The following LPA variants were observed in gnomAD, a reference collection of about 807,000 sequenced individuals.
LPA encodes the protein lipoprotein(a).
LPA carries 199 observed loss-of-function variants against 197.9 expected under a neutral mutation model. That is an observed-to-expected ratio of 1.01 (90% CI 0.90 to 1.13). The LOEUF (loss-of-function observed/expected upper bound fraction) is 1.13. Ranked by LOEUF, LPA falls within the 50% of genes most tolerant of loss-of-function variation. The pLI, the probability that LPA is intolerant of heterozygous loss-of-function variation, is 0.00. For missense variants in LPA, 1,853 were observed against 1,785.8 expected, an observed-to-expected ratio of 1.04 and a Z score of -0.68; for synonymous variants, 715 against 639.5, an observed-to-expected ratio of 1.12 and a Z score of -1.78.
chr6:160,608,044 T>A (rs1040477177), intron 16 of LPA, among the ~76,000 whole-genome samples: 1 of 152,180 alleles, frequency 6.6e-6, no homozygotes, highest in Non-Finnish European at 1.5e-5. Context: ...CCTCTACATA[T>A]GCTAAAATTA....
chr6:160,591,983 C>T (rs747833398), intron 22 of LPA, among the ~76,000 whole-genome samples: 7 of 152,202 alleles, frequency 4.6e-5, no homozygotes, highest in Non-Finnish European at 8.8e-5. Context: ...CTATGATGTA[C>T]CCCAGTAAAT....
chr6:160,601,204 A>T, intron 18 of LPA, 106 bp from the exon 19 acceptor site: 1 of 944,942 alleles, frequency 1.1e-6, no homozygotes, highest in Non-Finnish European at 1.7e-6. Context: ...AAATATTCCC[A>T]AAAGAGATAC....
chr6:160,586,640 C>T lies in LPA; in HGVS notation c.3948-10G>A, dbSNP rs781583134. On this transcript the variant is annotated splice_polypyrimidine_tract_variant and intron_variant, in intron 24 of 38. Coordinates refer to ENST00000316300, the MANE Select transcript of LPA (RefSeq NM_005577.4). ...GTTCCTGGTCAGGCCACTGCAAATT[C>T]CAAAACAATACAGGTCACCAGAGAT... The T allele has an allele frequency of 1.9e-6, 3 of 1,613,500 alleles. No individual in the cohort carries two copies. Among genetic ancestry groups the T allele is most frequent in the Non-Finnish European group, 2.5e-6 (3 of 1,179,732 alleles).
chr6:160,588,969 C>T (rs1020458251), intron 24 of LPA, among the ~76,000 whole-genome samples: 3 of 152,338 alleles, frequency 2.0e-5, no homozygotes, highest in Middle Eastern at 3.4e-3. Context: ...TGTCCATCTT[C>T]CTGAATGTGT....
Position 160,531,620 on chromosome 6 carries a change from TG to T in LPA, c.*108del. Reference sequence around the variant, plus strand: ...GCCAAGGTTTGGCATAGCTGGTAGCTGGGAACAGTGTCTTCGTTTGATTGCT... The same window carrying T: ...GCCAAGGTTTGGCATAGCTGGTAGCTGGAACAGTGTCTTCGTTTGATTGCT... On this transcript the variant is annotated 3_prime_UTR_variant, in exon 39 of 39. Coordinates refer to ENST00000316300, the MANE Select transcript of LPA (RefSeq NM_005577.4). 1 of 1,462,292 alleles carries T rather than the reference TG, an allele frequency of 6.8e-7. No individual in the cohort carries two copies. Among genetic ancestry groups the T allele is most frequent in the Non-Finnish European group, 9.6e-7 (1 of 1,045,678 alleles). 90.6% of individuals were successfully genotyped at this position (1,462,292 alleles called of 1,614,324 possible). A position where few individuals can be genotyped will look rare whatever the true frequency, so the allele number is the denominator to read the frequency against.
At chr6:160,594,514 A>ACATTT (rs1184276830) in intron 21 of LPA, among the ~76,000 whole-genome samples, 12 of 152,212 alleles carry the variant, frequency 7.9e-5, no homozygotes, top group African/African-American at 2.9e-4. Flanking sequence ...AAACCGTCAC[A>ACATTT]CATTTCCCTA....
At chr6:160,539,123 G>T (rs1777937963) in intron 36 of LPA, among the ~76,000 whole-genome samples, 1 of 152,138 alleles carries the variant, frequency 6.6e-6, no homozygotes, top group Non-Finnish European at 1.5e-5. Context: ...GCCCAGGAGA[G>T]CAGCTCAGGC....
At position 160,556,105 on chromosome 6, in the gene LPA, A is replaced by C; in HGVS notation, c.4893T>G (p.Thr1631=). ...GQSYRGTFST[T]VTGRTCQSWS... ...AAGATTGACATGTCCTTCCTGTGAC[A>C]GTGGTGGAGAATGTGCCTCGATAAC... The change falls in exon 30 of 39, where the codon ACT becomes ACG. Residue 1631 remains threonine (T), a synonymous_variant. Coordinates refer to ENST00000316300, the MANE Select transcript of LPA (RefSeq NM_005577.4). The C allele has an allele frequency of 1.2e-6, 2 of 1,613,992 alleles. No homozygotes were observed. Among genetic ancestry groups the C allele is most frequent in the East Asian group, 4.5e-5 (2 of 44,826 alleles).
chr6:160,545,906 T>C (rs1778062350), intron 32 of LPA, among the ~76,000 whole-genome samples: 2 of 152,204 alleles, frequency 1.3e-5, no homozygotes, highest in African/African-American at 4.8e-5. Flanking sequence ...TGATAAAGCC[T>C]GTTTGCTGTT....
chr6:160,548,612 G>A lies in LPA; in HGVS notation c.5021C>T (p.Pro1674Leu). 3.7e-6 allele frequency: 6 copies of A among 1,614,118 alleles called. No individual in the cohort carries two copies. The highest frequency in any genetic ancestry group is 5.1e-6 in the Non-Finnish European group (6 of 1,180,014). Residue 1674 changes from proline (P) to leucine (L), a missense_variant, in exon 31 of 39, where the codon CCT becomes CTT. Physicochemically the swap from Pro to Leu is moderately conservative, Grantham distance 98 (BLOSUM62 -3). This residue lies in a region of LPA where 1,737 missense variants were observed against 1,504.4 expected (regional missense o/e 1.15). Transcript: ENST00000316300. ...GCTGGGGTCCATGGTAAAACACCAA[G>A]GGCCTGTATCGGCATCTGGATTCCT... ...YCRNPDADTG[P>L]WCFTMDPSIR...
At chr6:160,568,927 G>T (rs1462824050) in intron 28 of LPA, among the ~76,000 whole-genome samples, 1 of 152,152 alleles carries the variant, frequency 6.6e-6, no homozygotes, top group Non-Finnish European at 1.5e-5. Flanking sequence ...ACTTACAAGG[G>T]ATGGGAAGGA....
At chr6:160,566,844 C>A (rs928535718) in intron 28 of LPA, among the ~76,000 whole-genome samples, 1 of 152,098 alleles carries the variant, frequency 6.6e-6, no homozygotes, top group Non-Finnish European at 1.5e-5. Context: ...GGTTGCAATC[C>A]TAGTCTCTGA....
chr6:160,576,360 A>G (rs1421061097), intron 28 of LPA, among the ~76,000 whole-genome samples: 2 of 24,334 alleles, frequency 8.2e-5, no homozygotes, highest in South Asian at 1.8e-3. Context: ...ATATATATAT[A>G]TATATACATA....
chr6:160,539,361 A>G (rs573149734), intron 36 of LPA, among the ~76,000 whole-genome samples: 9 of 152,332 alleles, frequency 5.9e-5, no homozygotes, highest in African/African-American at 1.9e-4. Flanking sequence ...AGGCTTAATA[A>G]AACAAAATTT....
chr6:160,587,798 TG>T (rs1428808348), intron 24 of LPA, among the ~76,000 whole-genome samples: 2,214 of 114,734 alleles, frequency 0.019, 20 homozygotes, highest in African/African-American at 0.052. Flanking sequence ...TGTGTGTGTG[TG>T]TTTCTGTCTG....
chr6:160,606,565 G>C lies in LPA; in HGVS notation c.2697C>G (p.Asn899Lys), dbSNP rs562924929. Residue 899 changes from asparagine to lysine, a missense_variant, in exon 17 of 39, where the codon AAC (asparagine) becomes AAG (lysine). Asn to Lys is a moderately conservative substitution (Grantham distance 94). Around this residue, in one of 3 missense-constraint regions of LPA, gnomAD observed 1,737 missense variants for 1,504.4 expected, o/e 1.15. Coordinates refer to ENST00000316300, the MANE Select transcript of LPA (RefSeq NM_005577.4). ...CTTCTGCGTCTGAGCATTGTGTCAG[G>C]TTGCAGTACTCCCACCTGACACTGG... is the stretch of plus-strand genomic sequence containing the variant. ...RDPSVRWEYC[N>K]LTQCSDAEGT... 2 of 1,613,872 alleles carry C rather than the reference G, an allele frequency of 1.2e-6. No individual in the cohort carries two copies. Among genetic ancestry groups the C allele is most frequent in the East Asian group, 2.2e-5 (1 of 44,884 alleles).
At chr6:160,546,768 G>A (rs569503764) in intron 32 of LPA, among the ~76,000 whole-genome samples, 1 of 152,268 alleles carries the variant, frequency 6.6e-6, no homozygotes, top group East Asian at 1.9e-4. Context: ...CCCATATCTG[G>A]TGTGAGAAGT....
At chr6:160,571,025 T>C (rs1389192331) in intron 28 of LPA, among the ~76,000 whole-genome samples, 5 of 152,192 alleles carry the variant, frequency 3.3e-5, no homozygotes, top group African/African-American at 1.2e-4. Flanking sequence ...GTAGGTTCAA[T>C]CTTTTCACAT....
intron 28 of LPA, among the ~76,000 whole-genome samples, chr6:160,565,354 T>C (rs950304662): frequency 2.3e-4 from 35 of 152,186 alleles, no homozygotes; most frequent in African/African-American, 8.2e-4. Context: ...CAGCAACATT[T>C]GCTGTTCTGT....
Sources: gnomAD v4.1 joint callset for allele counts (sites outside exome capture counted in the v4.1 genomes callset) on GRCh38, gnomAD v4.1.1 for gene constraint, gnomAD v4.1.1 regional missense constraint, MANE v1.5 for transcripts, NCBI Gene and HGNC (gene_info 2026-07-23, HGNC 2026-07-21) for gene names.